HECW2: variants seen among roughly 807,000 people sequenced by gnomAD.
The protein encoded by HECW2 is HECT, C2 and WW domain containing E3 ubiquitin protein ligase 2.
Under a neutral mutation model 175.2 loss-of-function variants are expected in HECW2, and 61 were observed. The ratio of observed to expected loss-of-function variants is 0.35; its 90% confidence interval spans 0.28 to 0.43. The LOEUF is 0.43. Among genes scored for constraint, HECW2 ranks in the 20% least tolerant of loss-of-function variants. The pLI, the probability that HECW2 is intolerant of heterozygous loss-of-function variation, is 1.00. For synonymous variants in HECW2, 671 were observed against 731.0 expected (o/e 0.92, Z 1.32); for missense variants, 1,524 against 2,000.5 (o/e 0.76, Z 4.54).
chr2:196,563,864 C>T (rs1690091513), intron 1 of HECW2, among the ~76,000 whole-genome samples: 1 of 152,140 alleles, frequency 6.6e-6, no homozygotes, highest in African/African-American at 2.4e-5. Flanking sequence ...AATCCCTTTG[C>T]AATCTTCACT....
intron 2 of HECW2, among the ~76,000 whole-genome samples, chr2:196,352,104 T>C (rs1286191959): frequency 2.6e-5 from 4 of 152,224 alleles, no homozygotes; most frequent in Non-Finnish European, 5.9e-5. Context: ...GCAAACTTCC[T>C]TATGAATTTG....
intron 14 of HECW2, among the ~76,000 whole-genome samples, chr2:196,285,504 C>T (rs559163151): frequency 1.4e-4 from 21 of 151,288 alleles, no homozygotes; most frequent in African/African-American, 4.9e-4. Context: ...GTGTCTTAGC[C>T]TACAAAGTCT....
intron 3 of HECW2, among the ~76,000 whole-genome samples, chr2:196,336,143 G>C (rs1363208936): frequency 6.6e-6 from 1 of 152,154 alleles, no homozygotes; most frequent in Non-Finnish European, 1.5e-5. Context: ...GAAGAATGGC[G>C]AGATGACCTA....
chr2:196,518,872 G>T (rs545939394), intron 1 of HECW2, among the ~76,000 whole-genome samples: 17 of 151,978 alleles, frequency 1.1e-4, no homozygotes, highest in Non-Finnish European at 1.8e-4. Context: ...TTTCTGCCAG[G>T]CCTGGCCCAC....
intron 3 of HECW2, among the ~76,000 whole-genome samples, chr2:196,336,969 G>C (rs571765452): frequency 6.6e-6 from 1 of 152,064 alleles, no homozygotes; most frequent in South Asian, 2.1e-4. Context: ...ACAGAATGAG[G>C]AGTGGTTTGC....
At chr2:196,395,967 G>A (rs546793901) in intron 2 of HECW2, among the ~76,000 whole-genome samples, 12 of 152,222 alleles carry the variant, frequency 7.9e-5, no homozygotes, top group South Asian at 2.1e-4. Flanking sequence ...GCCAAAAGGC[G>A]GAAGCAAACT....
chr2:196,283,679 T>C (rs1690275474), intron 14 of HECW2, among the ~76,000 whole-genome samples: 1 of 152,128 alleles, frequency 6.6e-6, no homozygotes, highest in South Asian at 2.1e-4. Context: ...CCATGCCTGG[T>C]GAGAATACAG....
chr2:196,431,778 T>C (rs1695720371), intron 2 of HECW2, among the ~76,000 whole-genome samples: 1 of 152,226 alleles, frequency 6.6e-6, no homozygotes, highest in Admixed American at 6.5e-5. Context: ...TTCCCCTTTT[T>C]TGTTTACCAT....
intron 10 of HECW2, among the ~76,000 whole-genome samples, chr2:196,310,765 A>AC (rs1198237203): frequency 2.3e-5 from 1 of 44,272 alleles, no homozygotes; most frequent in Non-Finnish European, 6.0e-5. Flanking sequence ...GAGAGCAACG[A>AC]TTTTGTGTGT....
intron 2 of HECW2, among the ~76,000 whole-genome samples, chr2:196,396,408 T>C (rs966210984): frequency 4.7e-4 from 72 of 152,296 alleles, no homozygotes; most frequent in African/African-American, 1.2e-3. Flanking sequence ...ACCAAAAAGA[T>C]AGTAAATTAT....
intron 7 of HECW2, among the ~76,000 whole-genome samples, 189 bp from the exon 8 acceptor site, chr2:196,320,628 A>T (rs898047961): frequency 6.6e-6 from 1 of 152,244 alleles, no homozygotes; most frequent in Non-Finnish European, 1.5e-5. Context: ...ACACTTATAA[A>T]CCCGGAGATA....
rs947712466 is a variant in HECW2 at position 196,201,158 on chromosome 2, A to G, written c.*119T>C. 1 of 706,540 alleles carries G rather than the reference A, an allele frequency of 1.4e-6. No homozygotes were observed. The highest frequency in any genetic ancestry group is 2.6e-6 in the Non-Finnish European group (1 of 391,598). 43.8% of individuals were successfully genotyped at this position (706,540 alleles called of 1,614,324 possible). ...ACAGAGCACTTGTTCCTGGAAAACA[A>G]CAGCACATAGCTTTATCCTAAAGGA... On this transcript the variant is annotated 3_prime_UTR_variant, in exon 29 of 29. Coordinates refer to ENST00000644978, the MANE Select transcript of HECW2 (RefSeq NM_001348768.2).
At chr2:196,535,797 A>G (rs999036514) in intron 1 of HECW2, among the ~76,000 whole-genome samples, 2 of 152,214 alleles carry the variant, frequency 1.3e-5, no homozygotes, top group African/African-American at 4.8e-5. Flanking sequence ...ACAAACTGCC[A>G]TAAATTATTT....
chr2:196,455,109 C>A (rs1032777448), intron 1 of HECW2, among the ~76,000 whole-genome samples: 1 of 151,814 alleles, frequency 6.6e-6, no homozygotes, highest in African/African-American at 2.4e-5. Context: ...TCTCGGCTCA[C>A]TGCGACCTCC....
chr2:196,441,358 A>G (rs1241087525), intron 1 of HECW2, among the ~76,000 whole-genome samples: 1 of 93,490 alleles, frequency 1.1e-5, no homozygotes, highest in Non-Finnish European at 2.1e-5. Flanking sequence ...TCCAAAAGAC[A>G]CAACATACAA....
intron 28 of HECW2, among the ~76,000 whole-genome samples, chr2:196,208,110 A>G (rs944603542): frequency 6.6e-6 from 1 of 152,252 alleles, no homozygotes; most frequent in Non-Finnish European, 1.5e-5. Flanking sequence ...TCACACACCT[A>G]AAGACTATAA....
At position 196,346,785 on chromosome 2, in the gene HECW2, G is replaced by C. The variant is rs1033126773; in HGVS notation, c.293-3021C>G. Reference sequence around the variant, plus strand: ...GGAGGCTGAGGCAGGTGGATCACGAGGTCAGGAATTCGAGACCAGCCTGGC... The same window carrying C: ...GGAGGCTGAGGCAGGTGGATCACGACGTCAGGAATTCGAGACCAGCCTGGC... On this transcript the variant is annotated intron_variant, in intron 2 of 28. Coordinates refer to ENST00000644978, the MANE Select transcript of HECW2 (RefSeq NM_001348768.2). 3.9e-5 allele frequency among the ~76,000 whole-genome samples: 6 copies of C among 152,094 alleles called. No individual in the cohort carries two copies. In the East Asian group the frequency reaches 1.2e-3, roughly 30 times the overall value.
At chr2:196,436,936 T>C (rs1258200694) in intron 1 of HECW2, among the ~76,000 whole-genome samples, 1 of 152,206 alleles carries the variant, frequency 6.6e-6, no homozygotes, top group African/African-American at 2.4e-5. Context: ...TTGTAGGGCA[T>C]CTGAAAGTGA....
At chr2:196,322,350 T>G (rs753310596) in intron 7 of HECW2, 128 bp downstream of exon 7, 11 of 669,856 alleles carry the variant, frequency 1.6e-5, no homozygotes, top group Non-Finnish European at 2.4e-5. Flanking sequence ...TAAGGACACT[T>G]TTATTTTTAA....
Sources: gnomAD v4.1 joint callset for allele counts (sites outside exome capture counted in the v4.1 genomes callset) on GRCh38, gnomAD v4.1.1 for gene constraint, MANE v1.5 for transcripts, NCBI Gene and HGNC (gene_info 2026-07-23, HGNC 2026-07-21) for gene names.